The following ADAMTS19 variants were observed in gnomAD, a reference collection of about 807,000 sequenced individuals.
The protein encoded by ADAMTS19 is ADAM metallopeptidase with thrombospondin type 1 motif 19.
A neutral mutation model predicts 153.3 loss-of-function variants in ADAMTS19; 93 were observed. That is an observed-to-expected ratio of 0.61 (90% confidence interval 0.51 to 0.72). ADAMTS19 has a LOEUF of 0.72. Among genes scored for constraint, ADAMTS19 ranks in the 30% least tolerant of loss-of-function variants. The probability of loss-of-function intolerance (pLI) is 0.00; values close to 1 mark genes in which losing one functional copy is unlikely to be tolerated. For synonymous variants in ADAMTS19, 600 were observed against 556.6 expected, an observed-to-expected ratio of 1.08 and a Z score of -1.10; for missense variants, 1,482 against 1,552.1, an observed-to-expected ratio of 0.95 and a Z score of 0.76.
At chr5:129,497,330 A>G (rs1174591366) in intron 2 of ADAMTS19, among the ~76,000 whole-genome samples, 1 of 151,826 alleles carries the variant, frequency 6.6e-6, no homozygotes, top group Non-Finnish European at 1.5e-5. Context: ...GTCCTCAGGG[A>G]TTGATCTTAG....
chr5:129,724,504 A>G lies in ADAMTS19; in HGVS notation c.3313-10428A>G, dbSNP rs140801065. 8.5e-5 allele frequency among the ~76,000 whole-genome samples: 13 copies of G among 152,326 alleles called. No individual in the cohort carries two copies. The East Asian group carries it at 2.5e-3, about 29-fold the overall frequency. On this transcript the variant is annotated intron_variant, in intron 21 of 22. Transcript: ENST00000274487. ...TGACTGAGAAGCATAAGGCAGAAGG[A>G]GAGACCAAGGCAAGTTTTATAGCAG...
At chr5:129,701,305 T>A (rs1755836041) in intron 19 of ADAMTS19, 83 bp from the exon 20 acceptor site, 1 of 1,492,988 alleles carries the variant, frequency 6.7e-7, no homozygotes, top group Non-Finnish European at 9.2e-7. Flanking sequence ...TGGGTATGTC[T>A]TTATTAGCAG....
chr5:129,719,324 T>C (rs571422003), intron 21 of ADAMTS19, among the ~76,000 whole-genome samples: 8 of 152,274 alleles, frequency 5.3e-5, no homozygotes, highest in Non-Finnish European at 8.8e-5. Flanking sequence ...TAGTAGATTA[T>C]ATAACCTAAA....
intron 6 of ADAMTS19, among the ~76,000 whole-genome samples, chr5:129,546,329 A>G (rs890431193): frequency 1.3e-5 from 2 of 150,770 alleles, no homozygotes; most frequent in African/African-American, 5.0e-5. Flanking sequence ...TGGCACATGT[A>G]TACATATGTA....
At chr5:129,636,116 C>T (rs1439461637) in intron 10 of ADAMTS19, among the ~76,000 whole-genome samples, 1 of 152,132 alleles carries the variant, frequency 6.6e-6, no homozygotes, top group Non-Finnish European at 1.5e-5. Context: ...AGGCTGGTCT[C>T]GAACTCCTGA....
intron 8 of ADAMTS19, among the ~76,000 whole-genome samples, chr5:129,599,618 G>A (rs914064326): frequency 1.3e-5 from 2 of 151,960 alleles, no homozygotes; most frequent in African/African-American, 4.8e-5. Context: ...AATACAATAC[G>A]AGTTAATTTA....
chr5:129,699,422 C>CAAAAA (rs536240544), intron 19 of ADAMTS19, among the ~76,000 whole-genome samples: 1 of 80,582 alleles, frequency 1.2e-5, no homozygotes. Flanking sequence ...GACTTCATCT[C>CAAAAA]AAAAAAAAAA....
At chr5:129,677,487 A>AT (rs1324016673) in intron 16 of ADAMTS19, among the ~76,000 whole-genome samples, 1 of 151,960 alleles carries the variant, frequency 6.6e-6, no homozygotes, top group Non-Finnish European at 1.5e-5. Flanking sequence ...AAAAAAAAAA[A>AT]AAAGTTAACT....
chr5:129,601,079 G>A (rs143594271), intron 8 of ADAMTS19, among the ~76,000 whole-genome samples: 13,033 of 152,052 alleles, frequency 0.086, 635 homozygotes, highest in Middle Eastern at 0.15. Context: ...CAGTATGTTG[G>A]TCAGGCTGGT....
chr5:129,461,242 G>A lies in ADAMTS19; in HGVS notation c.232G>A (p.Ala78Thr), dbSNP rs1238783661. ...WVRGVGGGGS[A>T]RAQAAGSSRE... ...GCGCGGCGTTGGGGGCGGCGGAAGC[G>A]CCCGGGCGCAGGCTGCCGGCAGCTC... The change falls in exon 2 of 23, where the codon GCC (alanine) becomes ACC (threonine). Residue 78 changes from alanine to threonine, a missense_variant. Around this residue, in one of 2 missense-constraint regions of ADAMTS19, gnomAD observed 866 missense variants for 827.7 expected, o/e 1.05. Coordinates refer to ENST00000274487, the MANE Select transcript of ADAMTS19 (RefSeq NM_133638.6). The surrounding 1 kb of genome is among the most constrained non-coding windows in gnomAD (Gnocchi z 4.6). 2 of 1,263,704 alleles carry A rather than the reference G, an allele frequency of 1.6e-6. No individual in the cohort carries two copies. Among genetic ancestry groups the A allele is most frequent in the East Asian group, 6.4e-5 (2 of 31,450 alleles). 78.3% of individuals were successfully genotyped at this position (1,263,704 alleles called of 1,614,324 possible).
intron 11 of ADAMTS19, among the ~76,000 whole-genome samples, chr5:129,645,367 T>C (rs1420584502): frequency 6.6e-6 from 1 of 152,192 alleles, no homozygotes; most frequent in East Asian, 1.9e-4. Flanking sequence ...TAACATATTG[T>C]ATAATAGTTT....
At chr5:129,527,120 A>G (rs943252411) in intron 4 of ADAMTS19, among the ~76,000 whole-genome samples, 13 of 151,846 alleles carry the variant, frequency 8.6e-5, no homozygotes, top group African/African-American at 1.4e-4. Context: ...CCTAGTATCT[A>G]TCATGTTAGG....
intron 6 of ADAMTS19, 151 bp downstream of exon 6, chr5:129,528,828 A>G (rs1752104388): frequency 3.5e-6 from 2 of 577,802 alleles, no homozygotes; most frequent in African/African-American, 2.0e-5. Flanking sequence ...CCCTCAAATC[A>G]TAATAACTGA....
At chr5:129,712,791 A>G (rs142668597) in intron 21 of ADAMTS19, among the ~76,000 whole-genome samples, 71 of 152,302 alleles carry the variant, frequency 4.7e-4, no homozygotes, top group African/African-American at 1.7e-3. Context: ...GCTACCCTAA[A>G]AAAATGTATA....
chr5:129,462,935 G>A (rs565060412), intron 2 of ADAMTS19, among the ~76,000 whole-genome samples: 8 of 151,984 alleles, frequency 5.3e-5, no homozygotes, highest in Non-Finnish European at 1.0e-4. Flanking sequence ...CACAATCAAA[G>A]CCACCCAAAA....
chr5:129,491,908 T>A (rs933432289), intron 2 of ADAMTS19, among the ~76,000 whole-genome samples: 1 of 152,230 alleles, frequency 6.6e-6, no homozygotes, highest in Non-Finnish European at 1.5e-5. Flanking sequence ...TATATGTGTA[T>A]GCATAAAGAT....
intron 16 of ADAMTS19, among the ~76,000 whole-genome samples, chr5:129,677,369 G>A (rs560115107): frequency 3.0e-4 from 46 of 152,136 alleles, no homozygotes; most frequent in African/African-American, 1.0e-3. Flanking sequence ...CCAGCTACTC[G>A]GGATGCTGAG....
chr5:129,679,043 A>T (rs762832470), intron 16 of ADAMTS19, among the ~76,000 whole-genome samples: 1 of 152,194 alleles, frequency 6.6e-6, no homozygotes, highest in Non-Finnish European at 1.5e-5. Context: ...GGTAACCATG[A>T]TGTCTCATTT....
At chr5:129,694,906 G>A in intron 19 of ADAMTS19, 51 bp downstream of exon 19, 1 of 1,430,642 alleles carries the variant, frequency 7.0e-7, no homozygotes. Context: ...TTAGATTGCT[G>A]TCCTTTAAAA....
Sources: gnomAD v4.1 joint callset for allele counts (sites outside exome capture counted in the v4.1 genomes callset) on GRCh38, gnomAD v4.1.1 for gene constraint, gnomAD v4.1.1 regional missense constraint, Gnocchi (gnomAD v3.1) non-coding constraint, MANE v1.5 for transcripts, NCBI Gene and HGNC (gene_info 2026-07-23, HGNC 2026-07-21) for gene names.